The following LRFN3 variants were observed in gnomAD, a reference collection of about 807,000 sequenced individuals.
The protein encoded by LRFN3 is leucine rich repeat and fibronectin type III domain containing 3, also known as leucine-rich repeat and fibronectin type-III domain-containing protein 3.
In LRFN3, 8 loss-of-function variants were observed where a neutral mutation model predicts 23.8. The ratio of observed to expected loss-of-function variants is 0.34; its 90% CI spans 0.20 to 0.61. LRFN3 has a LOEUF of 0.61. Ranked by LOEUF, LRFN3 falls within the 20% of genes least tolerant of loss-of-function variation. The pLI is 0.80. For missense variants in LRFN3, 736 were observed against 935.3 expected (o/e 0.79, Z 2.78); for synonymous variants, 451 against 450.6 (o/e 1.00, Z -0.01).
chr19:35,940,404 G>A lies in LRFN3; in HGVS notation c.979G>A (p.Val327Met). The A allele has an allele frequency of 6.3e-7, 1 of 1,582,052 alleles. No homozygotes were observed. ...CRAVGDPEPR[V>M]RWVSPQGRLL... ...GGCAGTGGGGGACCCAGAGCCCCGT[G>A]TGCGTTGGGTGTCACCCCAGGGCCG... The change falls in exon 2 of 3, where the codon GTG (valine) becomes ATG (methionine). Residue 327 changes from valine to methionine, a missense_variant. Physicochemically the swap from Val to Met is conservative, Grantham distance 21. Transcript: ENST00000246529.
In LRFN3 at chr19:35,940,665, G is replaced by A; in HGVS notation, c.1240G>A (p.Ala414Thr). 2.5e-6 allele frequency: 4 copies of A among 1,612,922 alleles called. No individual in the cohort carries two copies. The highest frequency in any genetic ancestry group is 3.4e-6 in the Non-Finnish European group (4 of 1,179,520). Residue 414 changes from alanine to threonine, a missense_variant, in exon 2 of 3, where the codon GCC (alanine) becomes ACC (threonine). This residue lies in a region of LRFN3 where 446 missense variants were observed against 647.9 expected (regional missense o/e 0.69). Coordinates refer to ENST00000246529, the MANE Select transcript of LRFN3 (RefSeq NM_024509.2). ...TGATGCTCTCACCCCACCCTCCGCT[G>A]CCTCTGCTTCTGCCAAGGTGGCCGA... ...DPDALTPPSA[A>T]SASAKVADTG...
At chr19:35,941,696 G>A (rs980833691) in intron 2 of LRFN3, among the ~76,000 whole-genome samples, 2 of 151,982 alleles carry the variant, frequency 1.3e-5, no homozygotes, top group Non-Finnish European at 1.5e-5. Context: ...AGCCTCTCGA[G>A]TAGCTGGGAT....
At chr19:35,937,793 ACCCT>A (rs967142674) in intron 1 of LRFN3, among the ~76,000 whole-genome samples, 1 of 151,850 alleles carries the variant, frequency 6.6e-6, no homozygotes, top group Non-Finnish European at 1.5e-5. Context: ...GACCCCTGCA[ACCCT>A]TACAGCCTTT....
Position 35,944,556 on chromosome 19 carries a change from C to A in LRFN3, c.1424C>A (p.Pro475Gln). ...ACCTGCCTGCCCTGCAGGATGATCCCGGCGGAGAGCCGCTCGTTCCTGCTG... is the reference window on the plus strand; with the variant it reads ...ACCTGCCTGCCCTGCAGGATGATCCAGGCGGAGAGCCGCTCGTTCCTGCTG... ...ADDILVYRMI[P>Q]AESRSFLLTD... is the part of the protein sequence containing the mutation. Residue 475 changes from proline to glutamine, a missense_variant, in exon 3 of 3, where the codon CCG becomes CAG. Pro to Gln is a moderately conservative substitution (Grantham distance 76). Around this residue, in one of 2 missense-constraint regions of LRFN3, gnomAD observed 290 missense variants for 287.4 expected, o/e 1.01. Coordinates refer to ENST00000246529, the MANE Select transcript of LRFN3 (RefSeq NM_024509.2). This position sits in a 1 kb window ranked among gnomAD's most constrained non-coding sequence, Gnocchi z 4.5. 6.9e-7 allele frequency: 1 copy of A among 1,458,958 alleles called. No individual in the cohort carries two copies. The highest frequency in any genetic ancestry group is 2.6e-5 in the East Asian group (1 of 39,132). 90.4% of individuals were successfully genotyped at this position (1,458,958 alleles called of 1,614,324 possible).
intron 2 of LRFN3, among the ~76,000 whole-genome samples, chr19:35,941,728 C>G (rs1025003011): frequency 3.3e-5 from 5 of 152,050 alleles, no homozygotes; most frequent in Non-Finnish European, 2.9e-5. Context: ...ACCAGCACGC[C>G]CAGCTAATGT....
rs1976172416 is a variant in LRFN3, at chr19:35,945,790, T to C, written c.*771T>C. The C allele has an allele frequency of 6.6e-6, 1 of 152,334 alleles. No homozygotes were observed. The highest frequency in any genetic ancestry group is 2.4e-5 in the African/African-American group (1 of 41,368). 9.4% of individuals were successfully genotyped at this position (152,334 alleles called of 1,614,324 possible). A position where few individuals can be genotyped will look rare whatever the true frequency, so the allele number is the denominator to read the frequency against. On this transcript the variant is annotated 3_prime_UTR_variant, in exon 3 of 3. Coordinates refer to ENST00000246529, the MANE Select transcript of LRFN3 (RefSeq NM_024509.2). ...AGGAGCTCAGACTCTGGCCTGATGA[T>C]ACCAGGGAGCCATGGAGGGTTGTAT...
chr19:35,939,890 C>T lies in LRFN3; in HGVS notation c.465C>T (p.Ala155=), dbSNP rs550640402. 6.2e-6 allele frequency: 10 copies of T among 1,601,844 alleles called. No individual in the cohort carries two copies. The highest frequency in any genetic ancestry group is 3.3e-5 in the Admixed American group (2 of 60,018). The stretch of plus-strand genomic sequence containing the variant: ...CGGCCGGCGCCCTGGATGATTGTGC[C>T]GAGACACTGGAGGACCTCGACCTCT... ...ALAAGALDDC[A]ETLEDLDLSY... is the part of the protein sequence containing the mutation. Residue 155 remains alanine (A), a synonymous_variant, in exon 2 of 3, where the codon GCC becomes GCT. Transcript: ENST00000246529. The surrounding 1 kb of genome is among the most constrained non-coding windows in gnomAD (Gnocchi z 6.4).
chr19:35,938,285 T>A (rs1976078761), intron 1 of LRFN3, among the ~76,000 whole-genome samples: 1 of 151,168 alleles, frequency 6.6e-6, no homozygotes, highest in Non-Finnish European at 1.5e-5. Flanking sequence ...ACCTCTCCTC[T>A]CTCTCTCACT....
In LRFN3 at chr19:35,944,749, G is replaced by T. The variant is rs748051279; in HGVS notation, c.1617G>T (p.Met539Ile). 6.2e-7 allele frequency: 1 copy of T among 1,608,716 alleles called. No individual in the cohort carries two copies. The highest frequency in any genetic ancestry group is 8.5e-7 in the Non-Finnish European group (1 of 1,177,862). Residue 539 changes from methionine (M) to isoleucine (I), a missense_variant, in exon 3 of 3, where the codon ATG becomes ATT. Transcript: ENST00000246529. The surrounding 1 kb of genome is among the most constrained non-coding windows in gnomAD (Gnocchi z 4.5). ...ACGCTCCCTTCCTGGGCGGCACGAT[G>T]ATCATCGCGCTGGGCGGCGTCATCG... ...APHAPFLGGT[M>I]IIALGGVIVA...
chr19:35,940,833 G>T lies in LRFN3; in HGVS notation c.1408G>T (p.Val470Phe). 1 of 1,564,230 alleles carries T rather than the reference G, an allele frequency of 6.4e-7. No individual in the cohort carries two copies. Among genetic ancestry groups the T allele is most frequent in the Non-Finnish European group, 8.7e-7 (1 of 1,149,330 alleles). ...CAACAGCTCGGCTGATGACATCCTC[G>T]TCTACAGGTGCAGGGTCCAGGCACT... ...QYNSSADDIL[V>F]YRMIPAESRS... is the part of the protein sequence containing the mutation. Residue 470 changes from valine to phenylalanine, a missense_variant, in exon 2 of 3, where the codon GTC (valine) becomes TTC (phenylalanine). Val to Phe is a conservative substitution (Grantham distance 50). This residue lies in a region of LRFN3 where 290 missense variants were observed against 287.4 expected (regional missense o/e 1.01). Coordinates refer to ENST00000246529, the MANE Select transcript of LRFN3 (RefSeq NM_024509.2).
chr19:35,944,741 G>C lies in LRFN3; in HGVS notation c.1609G>C (p.Gly537Arg). 2.5e-6 allele frequency: 4 copies of C among 1,607,646 alleles called. No homozygotes were observed. Among genetic ancestry groups the C allele is most frequent in the Non-Finnish European group, 3.4e-6 (4 of 1,177,376 alleles). Reference sequence around the variant, plus strand: ...GGCGCCGCACGCTCCCTTCCTGGGCGGCACGATGATCATCGCGCTGGGCGG... The same window carrying C: ...GGCGCCGCACGCTCCCTTCCTGGGCCGCACGATGATCATCGCGCTGGGCGG... ...CGAPHAPFLGGTMIIALGGVI... is the reference protein window; with the variant it reads ...CGAPHAPFLGRTMIIALGGVI... The change falls in exon 3 of 3, where the codon GGC (glycine) becomes CGC (arginine). Residue 537 changes from glycine to arginine, a missense_variant. By Grantham distance (125) the Gly-to-Arg change is moderately radical (BLOSUM62 -2). Around this residue, in one of 2 missense-constraint regions of LRFN3, gnomAD observed 290 missense variants for 287.4 expected, o/e 1.01. Transcript: ENST00000246529. This position sits in a 1 kb window ranked among gnomAD's most constrained non-coding sequence, Gnocchi z 4.5.
In LRFN3 at chr19:35,946,349, T is replaced by TG. The variant is rs982184222; in HGVS notation, c.*1330_*1331insG. 9.2e-5 allele frequency among the ~76,000 whole-genome samples: 14 copies of TG among 151,850 alleles called. No individual in the cohort carries two copies. The highest frequency in any genetic ancestry group is 2.9e-4 in the African/African-American group (12 of 41,282). On this transcript the variant is annotated 3_prime_UTR_variant, in exon 3 of 3. Coordinates refer to ENST00000246529, the MANE Select transcript of LRFN3 (RefSeq NM_024509.2). ...GGGACATTTTTTCTTTTTTCTTTTT[T>TG]TTTTTTACAGATGGGGTCTCACTAT...
At position 35,944,852 on chromosome 19, in the gene LRFN3, A is replaced by G. The variant is rs770417025; in HGVS notation, c.1720A>G (p.Lys574Glu). The G allele has an allele frequency of 5.6e-6, 9 of 1,603,196 alleles. No homozygotes were observed. The highest frequency in any genetic ancestry group is 1.1e-5 in the South Asian group (1 of 90,904). ...CGGCGGCCAGCCCCCCGGCAAGGCC[A>G]AGATTCCCGCGCCTGTTAGCAGCGT... ...VHGGQPPGKA[K>E]IPAPVSSVCS... The change falls in exon 3 of 3, where the codon AAG becomes GAG. Residue 574 changes from lysine to glutamate, a missense_variant. By Grantham distance (56) the Lys-to-Glu change is moderately conservative (BLOSUM62 1). Around this residue, in one of 2 missense-constraint regions of LRFN3, gnomAD observed 290 missense variants for 287.4 expected, o/e 1.01. Transcript: ENST00000246529. The surrounding 1 kb of genome is among the most constrained non-coding windows in gnomAD (Gnocchi z 4.5).
Position 35,940,667 on chromosome 19 carries a change from C to T in LRFN3, c.1242C>T (p.Ala414=). Residue 414 remains alanine, a synonymous_variant, in exon 2 of 3, where the codon GCC becomes GCT. Coordinates refer to ENST00000246529, the MANE Select transcript of LRFN3 (RefSeq NM_024509.2). The stretch of plus-strand genomic sequence containing the variant: ...ATGCTCTCACCCCACCCTCCGCTGC[C>T]TCTGCTTCTGCCAAGGTGGCCGACA... The part of the protein sequence containing the change: ...DPDALTPPSA[A]SASAKVADTG... 6.2e-7 allele frequency: 1 copy of T among 1,613,036 alleles called. No individual in the cohort carries two copies.
chr19:35,945,994 G>A lies in LRFN3; in HGVS notation c.*975G>A, dbSNP rs1171086256. Reference sequence around the variant, plus strand: ...AGGGAACAAGAAAAGGGAGTGGGTTGACAGAGACACTCGGGAAACTGTGGG... The same window carrying A: ...AGGGAACAAGAAAAGGGAGTGGGTTAACAGAGACACTCGGGAAACTGTGGG... On this transcript the variant is annotated 3_prime_UTR_variant, in exon 3 of 3. Transcript: ENST00000246529. Among the ~76,000 whole-genome samples, 1 of 152,076 alleles carries A rather than the reference G, an allele frequency of 6.6e-6. No homozygotes were observed. The highest frequency in any genetic ancestry group is 1.5e-5 in the Non-Finnish European group (1 of 68,010).
rs1379889123 is a variant in LRFN3 at position 35,945,209 on chromosome 19, GTC to G, written c.*194_*195del. On this transcript the variant is annotated 3_prime_UTR_variant, in exon 3 of 3. Coordinates refer to ENST00000246529, the MANE Select transcript of LRFN3 (RefSeq NM_024509.2). ...AGCTTGGGCGAAGACCCTTGCCCTC[GTC>G]TCTGTCTATGGGGGTTGGGGGACGG... is the stretch of plus-strand genomic sequence containing the variant. The G allele has an allele frequency of 2.2e-6, 1 of 461,854 alleles. No homozygotes were observed. The highest frequency in any genetic ancestry group is 2.1e-5 in the African/African-American group (1 of 48,126). 28.6% of individuals were successfully genotyped at this position (461,854 alleles called of 1,614,324 possible).
At chr19:35,940,879 G>T in intron 2 of LRFN3, 39 bp downstream of exon 2, 1 of 1,489,456 alleles carries the variant, frequency 6.7e-7, no homozygotes, top group Admixed American at 2.3e-5. Context: ...GGGTGGGGGA[G>T]TGAGGCAAGG....
chr19:35,941,389 A>G (rs1010107103), intron 2 of LRFN3, among the ~76,000 whole-genome samples: 12 of 152,180 alleles, frequency 7.9e-5, no homozygotes, highest in Non-Finnish European at 1.6e-4. Context: ...CTGCAGGAAG[A>G]AAAGGAGATC....
Position 35,940,534 on chromosome 19 carries a change from A to G in LRFN3, c.1109A>G (p.Asn370Ser), listed in dbSNP as rs768313802. ...DGGIFTCIAA[N>S]AAGEATAAVE... ...GGCATCTTCACCTGCATTGCGGCCA[A>G]TGCAGCTGGCGAGGCCACAGCTGCT... The change falls in exon 2 of 3, where the codon AAT (asparagine) becomes AGT (serine). Residue 370 changes from asparagine to serine, a missense_variant. Around this residue, in one of 2 missense-constraint regions of LRFN3, gnomAD observed 446 missense variants for 647.9 expected, o/e 0.69. Coordinates refer to ENST00000246529, the MANE Select transcript of LRFN3 (RefSeq NM_024509.2). 1.2e-6 allele frequency: 2 copies of G among 1,612,568 alleles called. No homozygotes were observed. The highest frequency in any genetic ancestry group is 1.1e-5 in the South Asian group (1 of 91,084).
Sources: allele counts gnomAD v4.1 joint callset (sites outside exome capture counted in the v4.1 genomes callset), GRCh38; gene constraint gnomAD v4.1.1; regional missense constraint gnomAD v4.1.1; non-coding constraint Gnocchi (gnomAD v3.1); transcripts MANE v1.5; gene names NCBI Gene and HGNC (gene_info 2026-07-23, HGNC 2026-07-21).